The following NBAS variants were observed in gnomAD, a reference collection of about 807,000 sequenced individuals.
NBAS encodes NBAS subunit of NRZ tethering complex, also known as NAG/BC035112 fusion.
In NBAS, 219 loss-of-function variants were observed where a neutral mutation model predicts 302.5. The ratio of observed to expected loss-of-function variants is 0.72; its 90% CI spans 0.65 to 0.81. The LOEUF is 0.81. NBAS is among the 30% of genes least tolerant of loss of function. The pLI is 0.00. For synonymous variants in NBAS, 1,118 were observed against 1,021.6 expected (o/e 1.09, Z -1.80); for missense variants, 2,932 against 2,841.6 (o/e 1.03, Z -0.72).
the NBAS span, among the ~76,000 whole-genome samples, chr2:15,142,939 C>T: frequency 6.6e-6 from 1 of 152,272 alleles, no homozygotes; most frequent in East Asian, 1.9e-4. Flanking sequence ...GCAAAGGGTG[C>T]CCAAAGAGTC....
the NBAS span, among the ~76,000 whole-genome samples, chr2:14,808,006 C>G: frequency 1.3e-5 from 2 of 152,124 alleles, no homozygotes; most frequent in African/African-American, 2.4e-5. Context: ...AGTTTTAACA[C>G]CTTTTTTACC....
the NBAS span, among the ~76,000 whole-genome samples, chr2:15,034,321 A>AAGGCAGGC: frequency 3.2e-4 from 48 of 148,186 alleles, no homozygotes; most frequent in Non-Finnish European, 6.6e-4. Flanking sequence ...AGAGGGAAGG[A>AAGGCAGGC]AGGCAGGCAG....
At chr2:15,387,260 G>A (rs537998736) in intron 28 of NBAS, among the ~76,000 whole-genome samples, 14 of 152,042 alleles carry the variant, frequency 9.2e-5, no homozygotes, top group Non-Finnish European at 1.3e-4. Context: ...GTAGAGACAA[G>A]GTTTCACCAT....
the NBAS span, among the ~76,000 whole-genome samples, chr2:15,103,761 G>C: frequency 5.3e-5 from 8 of 152,252 alleles, 1 homozygote; most frequent in Admixed American, 1.3e-4. Flanking sequence ...AAGGACTGAA[G>C]GCCCAGGAGC....
intron 16 of NBAS, among the ~76,000 whole-genome samples, chr2:15,471,446 G>A (rs534885302): frequency 2.0e-5 from 3 of 151,938 alleles, no homozygotes; most frequent in Admixed American, 6.6e-5. Flanking sequence ...AAAACTTTTA[G>A]GGAAATAATC....
downstream of NBAS, among the ~76,000 whole-genome samples, chr2:15,162,213 T>G (rs1663916367): frequency 6.6e-6 from 1 of 152,196 alleles, no homozygotes; most frequent in Non-Finnish European, 1.5e-5. Flanking sequence ...GGCGCGTTGT[T>G]TGTCAAGACA....
intron 6 of NBAS, among the ~76,000 whole-genome samples, chr2:15,539,843 AAT>A (rs148423069): frequency 1.0e-4 from 15 of 149,692 alleles, no homozygotes; most frequent in African/African-American, 1.5e-4. Flanking sequence ...AAAGGGGGGA[AAT>A]ATATATATAT....
At chr2:15,331,911 C>A (rs1672372470) in intron 35 of NBAS, among the ~76,000 whole-genome samples, 1 of 152,136 alleles carries the variant, frequency 6.6e-6, no homozygotes, top group African/African-American at 2.4e-5. Context: ...TAGGACCAAG[C>A]TAATCACAAG....
chr2:14,838,927 T>C, the NBAS span, among the ~76,000 whole-genome samples: 1 of 152,012 alleles, frequency 6.6e-6, no homozygotes, highest in East Asian at 1.9e-4. Context: ...TAGTAGAATA[T>C]GTCCAGTTTC....
At chr2:15,396,512 G>C in intron 26 of NBAS, 37 bp from the exon 27 acceptor site, 1 of 1,406,340 alleles carries the variant, frequency 7.1e-7, no homozygotes, top group Non-Finnish European at 9.7e-7. Context: ...AAGCCCTTAA[G>C]TTTAGTATTA....
chr2:15,379,560 C>A, intron 30 of NBAS, 42 bp downstream of exon 30: 1 of 1,577,468 alleles, frequency 6.3e-7, no homozygotes, highest in East Asian at 2.2e-5. Context: ...TACATTCTGA[C>A]TTTCCCCCTC....
the NBAS span, among the ~76,000 whole-genome samples, chr2:15,154,628 G>A: frequency 1.3e-5 from 2 of 152,166 alleles, no homozygotes; most frequent in African/African-American, 4.8e-5. Flanking sequence ...TCTCTATTGA[G>A]AATAAGAGGT....
chr2:15,316,026 A>C (rs1671491225), intron 38 of NBAS, among the ~76,000 whole-genome samples: 3 of 152,240 alleles, frequency 2.0e-5, no homozygotes, highest in Non-Finnish European at 4.4e-5. Flanking sequence ...AAAGATGGTA[A>C]GTAAGTTTCA....
chr2:14,848,102 A>G, the NBAS span, among the ~76,000 whole-genome samples: 31,596 of 151,794 alleles, frequency 0.21, 5,290 homozygotes, highest in African/African-American at 0.46. Context: ...GAACAGCTCC[A>G]GTCTACAGCT....
chr2:14,827,321 TG>T, the NBAS span, among the ~76,000 whole-genome samples: 1 of 152,232 alleles, frequency 6.6e-6, no homozygotes, highest in Admixed American at 6.5e-5. Flanking sequence ...CAGCTCTGTA[TG>T]TAGTTTGTAA....
At chr2:15,532,246 T>C (rs1572978011) in intron 9 of NBAS, among the ~76,000 whole-genome samples, 1 of 152,098 alleles carries the variant, frequency 6.6e-6, no homozygotes, top group East Asian at 1.9e-4. Context: ...TCCCAGCACT[T>C]TGGGAGGCCG....
At chr2:15,082,450 G>C in the NBAS span, among the ~76,000 whole-genome samples, 1 of 152,136 alleles carries the variant, frequency 6.6e-6, no homozygotes, top group Non-Finnish European at 1.5e-5. Flanking sequence ...AGACCATCTA[G>C]ACTCACAAAT....
the NBAS span, among the ~76,000 whole-genome samples, chr2:15,016,545 A>G: frequency 2.4e-4 from 36 of 152,148 alleles, no homozygotes; most frequent in African/African-American, 8.2e-4. Context: ...TGACCATATT[A>G]CCCAAAATAA....
At chr2:15,347,398 A>C in intron 35 of NBAS, among the ~76,000 whole-genome samples, 1 of 152,206 alleles carries the variant, frequency 6.6e-6, no homozygotes, top group Non-Finnish European at 1.5e-5. Context: ...AAACAACCCA[A>C]ATGTCCACCA....
Sources: allele counts gnomAD v4.1 joint callset (sites outside exome capture counted in the v4.1 genomes callset), GRCh38; gene constraint gnomAD v4.1.1; transcripts MANE v1.5; gene names NCBI Gene and HGNC (gene_info 2026-07-23, HGNC 2026-07-21).